The following MCRS1 variants were observed in gnomAD, a reference collection of about 807,000 sequenced individuals.
MCRS1 encodes microspherule protein 1.
A neutral mutation model predicts 62.9 loss-of-function variants in MCRS1; 22 were observed. The ratio of observed to expected loss-of-function variants is 0.35; its 90% CI spans 0.25 to 0.50. The LOEUF is 0.50. MCRS1 is among the 20% of genes least tolerant of loss of function. The probability of loss-of-function intolerance (pLI) is 0.98; values close to 1 mark genes in which losing one functional copy is unlikely to be tolerated. For synonymous variants in MCRS1, 244 were observed against 233.5 expected, an observed-to-expected ratio of 1.04 and a Z score of -0.41; for missense variants, 456 against 601.1, an observed-to-expected ratio of 0.76 and a Z score of 2.52.
chr12:49,566,499 A>G (rs1288164037), intron 2 of MCRS1: 4 of 1,538,142 alleles, frequency 2.6e-6, no homozygotes, highest in African/African-American at 1.4e-5. Context: ...GGCTCTGGGC[A>G]TAACTGCTCC....
intron 9 of MCRS1, 83 bp downstream of exon 9, chr12:49,560,212 C>CTGGGTT (rs564556888): frequency 3.4e-6 from 5 of 1,471,286 alleles, no homozygotes; most frequent in Non-Finnish European, 4.8e-6. Flanking sequence ...AGCCCAAGGG[C>CTGGGTT]TGGGGCTGGG....
At chr12:49,561,963 GA>G (rs1259145278) in intron 8 of MCRS1, among the ~76,000 whole-genome samples, 12 of 152,198 alleles carry the variant, frequency 7.9e-5, no homozygotes, top group Admixed American at 4.6e-4. Flanking sequence ...GCAGTAAAAA[GA>G]AAAGTTATCC....
rs2084523860 is a variant in MCRS1, at chr12:49,559,603, A to G, written c.1004-68T>C. On this transcript the variant is annotated intron_variant, in intron 11 of 14. Coordinates refer to ENST00000343810, the MANE Select transcript of MCRS1 (RefSeq NM_006337.5). This position sits in a 1 kb window ranked among gnomAD's most constrained non-coding sequence, Gnocchi z 5.2. ...AGAATGCAAGGCAGGGAACCAGGGC[A>G]AGGTTTATAAGGGAAGGGGGTCGGG... is the stretch of plus-strand genomic sequence containing the variant. The G allele has an allele frequency of 1.3e-6, 2 of 1,593,442 alleles. No individual in the cohort carries two copies. Among genetic ancestry groups the G allele is most frequent in the African/African-American group, 1.3e-5 (1 of 74,674 alleles).
chr12:49,559,092 C>T lies in MCRS1; in HGVS notation c.1174+122G>A. On this transcript the variant is annotated intron_variant, in intron 13 of 14. Coordinates refer to ENST00000343810, the MANE Select transcript of MCRS1 (RefSeq NM_006337.5). The surrounding 1 kb of genome is among the most constrained non-coding windows in gnomAD (Gnocchi z 5.2). The stretch of plus-strand genomic sequence containing the variant: ...CTGCTTCCTGCAGACACCAAGGAAT[C>T]CCTGCCTCAGGTGGTCCACGAGGGT... 6.5e-7 allele frequency: 1 copy of T among 1,535,950 alleles called. No homozygotes were observed. Among genetic ancestry groups the T allele is most frequent in the Non-Finnish European group, 8.9e-7 (1 of 1,118,764 alleles).
intron 2 of MCRS1, 25 bp downstream of exon 2, chr12:49,566,697 G>C: frequency 6.2e-7 from 1 of 1,613,938 alleles, no homozygotes; most frequent in East Asian, 2.2e-5. Context: ...CGAGCATTTG[G>C]GGAGCTGTCC....
At position 49,559,888 on chromosome 12, in the gene MCRS1, G is replaced by C. The variant is rs1256385017; in HGVS notation, c.910+51C>G. 1 of 1,614,112 alleles carries C rather than the reference G, an allele frequency of 6.2e-7. No homozygotes were observed. The highest frequency in any genetic ancestry group is 1.7e-5 in the Admixed American group (1 of 60,022). On this transcript the variant is annotated intron_variant, in intron 10 of 14. Coordinates refer to ENST00000343810, the MANE Select transcript of MCRS1 (RefSeq NM_006337.5). The surrounding 1 kb of genome is among the most constrained non-coding windows in gnomAD (Gnocchi z 5.2). The stretch of plus-strand genomic sequence containing the variant: ...ACCAGCACCTTGTACTGGTCCTCTT[G>C]ATTCTGGCAGGAGCTTCCATCCCCT...
Position 49,564,748 on chromosome 12 carries a change from C to T in MCRS1, c.436G>A (p.Ala146Thr). Residue 146 changes from alanine (A) to threonine (T), a missense_variant, in exon 5 of 15, where the codon GCT becomes ACT. Ala to Thr is a moderately conservative substitution (Grantham distance 58). Coordinates refer to ENST00000343810, the MANE Select transcript of MCRS1 (RefSeq NM_006337.5). ...GGTGGGGGCACTACCTGCAACACAG[C>T]ATTTATGAGCAGGAGGTCATCTGCA... ...KPADDLLLIN[A>T]VLQTNDLTSV... 6.2e-7 allele frequency: 1 copy of T among 1,611,598 alleles called. No individual in the cohort carries two copies. Among genetic ancestry groups the T allele is most frequent in the Admixed American group, 1.7e-5 (1 of 59,884 alleles).
In MCRS1 at chr12:49,559,885, C is replaced by T. The variant is rs1938667798; in HGVS notation, c.910+54G>A. Reference sequence around the variant, plus strand: ...GCCACCAGCACCTTGTACTGGTCCTCTTGATTCTGGCAGGAGCTTCCATCC... The same window carrying T: ...GCCACCAGCACCTTGTACTGGTCCTTTTGATTCTGGCAGGAGCTTCCATCC... On this transcript the variant is annotated intron_variant, in intron 10 of 14. Transcript: ENST00000343810. The surrounding 1 kb of genome is among the most constrained non-coding windows in gnomAD (Gnocchi z 5.2). The T allele has an allele frequency of 6.8e-6, 11 of 1,614,160 alleles. No individual in the cohort carries two copies. The highest frequency in any genetic ancestry group is 9.3e-6 in the Non-Finnish European group (11 of 1,179,974).
chr12:49,567,244 G>A (rs1050251908), intron 1 of MCRS1, among the ~76,000 whole-genome samples: 1 of 151,428 alleles, frequency 6.6e-6, no homozygotes, highest in Non-Finnish European at 1.5e-5. Flanking sequence ...GGCCAAAGCA[G>A]GAAAAAAGAA....
In MCRS1 at chr12:49,559,919, C is replaced by T. The variant is rs1440790468; in HGVS notation, c.910+20G>A. The stretch of plus-strand genomic sequence containing the variant: ...GGCAGGAGCTTCCATCCCCTCACCA[C>T]CCCATGAGGCCATACTTACCATGTT... On this transcript the variant is annotated intron_variant, in intron 10 of 14. Coordinates refer to ENST00000343810, the MANE Select transcript of MCRS1 (RefSeq NM_006337.5). The surrounding 1 kb of genome is among the most constrained non-coding windows in gnomAD (Gnocchi z 5.2). 2 of 1,614,158 alleles carry T rather than the reference C, an allele frequency of 1.2e-6. No homozygotes were observed. The highest frequency in any genetic ancestry group is 8.5e-7 in the Non-Finnish European group (1 of 1,179,982).
At chr12:49,560,250 G>A (rs368238249) in intron 9 of MCRS1, 45 bp downstream of exon 9, 5 of 1,594,520 alleles carry the variant, frequency 3.1e-6, no homozygotes, top group South Asian at 2.2e-5. Context: ...CCTGACAGGA[G>A]TGACTCGGCT....
intron 1 of MCRS1, 115 bp from the exon 2 acceptor site, chr12:49,566,956 G>A (rs1939096330): frequency 1.7e-6 from 1 of 596,882 alleles, no homozygotes; most frequent in East Asian, 2.9e-5. Flanking sequence ...CATAAGGACA[G>A]GAAAGAGGCA....
At chr12:49,566,870 GCTCAGATTTCCAA>G (rs1939092434) in intron 1 of MCRS1, 29 bp from the exon 2 acceptor site, 1 of 1,197,070 alleles carries the variant, frequency 8.4e-7, no homozygotes, top group African/African-American at 1.5e-5. Flanking sequence ...GCTCCCTGAG[GCTCAGATTTCCAA>G]CTGGCCAGCC....
In MCRS1 at chr12:49,566,161, G is replaced by A. The variant is rs1939046849; in HGVS notation, c.65C>T (p.Ser22Leu). 1 of 1,614,066 alleles carries A rather than the reference G, an allele frequency of 6.2e-7. No homozygotes were observed. The change falls in exon 3 of 15, where the codon TCA (serine) becomes TTA (leucine). Residue 22 changes from serine to leucine, a missense_variant. Around this residue, in one of 3 missense-constraint regions of MCRS1, gnomAD observed 55 missense variants for 49.3 expected, o/e 1.12. Transcript: ENST00000343810. ...CCCTGCCAGTGACTCCTCATCCTCT[G>A]AGCGGCTGGCAGTGCCTGATGCCAT... ...SLMASGTASR[S>L]EDEESLAGQK...
At chr12:49,565,354 G>T (rs1015491482) in intron 4 of MCRS1, 175 bp downstream of exon 4, 10 of 985,300 alleles carry the variant, frequency 1.0e-5, no homozygotes, top group Non-Finnish European at 1.2e-5. Flanking sequence ...GCTGCAGCAA[G>T]AAATGGGGAG....
chr12:49,565,498 C>G (rs777556155), intron 4 of MCRS1, 31 bp downstream of exon 4: 1 of 1,553,248 alleles, frequency 6.4e-7, no homozygotes, highest in Non-Finnish European at 8.7e-7. Flanking sequence ...CTGGCACTAC[C>G]TCCCATCCCC....
intron 7 of MCRS1, 32 bp from the exon 8 acceptor site, chr12:49,563,171 G>T: frequency 6.5e-7 from 1 of 1,543,178 alleles, no homozygotes; most frequent in Non-Finnish European, 8.7e-7. Flanking sequence ...CTAGGCATCT[G>T]GGCTTTTTCA....
Position 49,563,290 on chromosome 12 carries a change from CCTGT to C in MCRS1, c.666+144_666+147del, listed in dbSNP as rs368684362. 6,600 of 1,397,844 alleles carry C rather than the reference CCTGT, an allele frequency of 4.7e-3. 28 individuals are homozygous for C. Among genetic ancestry groups the C allele is most frequent in the Non-Finnish European group, 5.5e-3 (5,548 of 1,015,682 alleles). 86.6% of individuals were successfully genotyped at this position (1,397,844 alleles called of 1,614,324 possible). ...GTCAGGCTTGGCTCTTCCTGAGGCC[CCTGT>C]CACAAACGCCCCTGCCAATGTGCAC... is the stretch of plus-strand genomic sequence containing the variant. On this transcript the variant is annotated intron_variant, in intron 7 of 14. Transcript: ENST00000343810.
chr12:49,567,227 C>T (rs1939109484), intron 1 of MCRS1, among the ~76,000 whole-genome samples: 1 of 152,148 alleles, frequency 6.6e-6, no homozygotes, highest in African/African-American at 2.4e-5. Flanking sequence ...CCAGCCTTCC[C>T]CTCCCAGGCC....
Sources: gnomAD v4.1 joint callset for allele counts (sites outside exome capture counted in the v4.1 genomes callset) on GRCh38, gnomAD v4.1.1 for gene constraint, gnomAD v4.1.1 regional missense constraint, Gnocchi (gnomAD v3.1) non-coding constraint, MANE v1.5 for transcripts, NCBI Gene and HGNC (gene_info 2026-07-23, HGNC 2026-07-21) for gene names.